Variants in TDRD9 observed in about 807,000 individuals in gnomAD.
TDRD9 encodes the protein ATP-dependent RNA helicase TDRD9.
Under a neutral mutation model 172.6 loss-of-function variants are expected in TDRD9, and 124 were observed. The ratio of observed to expected loss-of-function variants is 0.72; its 90% CI spans 0.62 to 0.83. The LOEUF is 0.83. TDRD9 is among the 40% of genes least tolerant of loss of function. The probability of loss-of-function intolerance (pLI) is 0.00; values close to 1 mark genes in which losing one functional copy is unlikely to be tolerated. For missense variants in TDRD9, 1,479 were observed against 1,714.1 expected (o/e 0.86, Z 2.42); for synonymous variants, 619 against 617.1 (o/e 1.00, Z -0.05).
intron 20 of TDRD9, chr14:104,013,860 G>C (rs2034691901): frequency 6.6e-6 from 1 of 151,936 alleles, no homozygotes; most frequent in Non-Finnish European, 1.5e-5. Flanking sequence ...CTCCTGTGTT[G>C]ATCCGTGTGG....
intron 27 of TDRD9, among the ~76,000 whole-genome samples, chr14:104,026,455 C>G (rs2035121476): frequency 6.6e-6 from 1 of 152,184 alleles, no homozygotes; most frequent in African/African-American, 2.4e-5. Context: ...CCCTTACCAT[C>G]AGTATGAAGA....
chr14:103,937,427 T>TA (rs2030840816), intron 1 of TDRD9, among the ~76,000 whole-genome samples: 1 of 152,278 alleles, frequency 6.6e-6, no homozygotes, highest in Middle Eastern at 3.4e-3. Flanking sequence ...GATACCTCCT[T>TA]AGAGGAGTTT....
intron 35 of TDRD9, among the ~76,000 whole-genome samples, chr14:104,050,798 C>T (rs376535810): frequency 2.0e-5 from 3 of 152,166 alleles, no homozygotes; most frequent in African/African-American, 4.8e-5. Context: ...CTGAGGGTGA[C>T]GAACTAGCAG....
chr14:104,048,556 A>T (rs1301326006), intron 34 of TDRD9, among the ~76,000 whole-genome samples: 1 of 151,938 alleles, frequency 6.6e-6, no homozygotes, highest in African/African-American at 2.4e-5. Context: ...TTGCCATTGG[A>T]GCTAAGTATG....
At position 103,973,563 on chromosome 14, in the gene TDRD9, C is replaced by T. The variant is rs527633736; in HGVS notation, c.847-1826C>T. Among the ~76,000 whole-genome samples, 6 of 152,306 alleles carry T rather than the reference C, an allele frequency of 3.9e-5. No homozygotes were observed. In the South Asian group the frequency reaches 6.2e-4, roughly 16 times the overall value. ...GTTTGGAGAAGAGGCAGAGGGCTGC[C>T]GGGGAGGGTGGATGAGGGAGGCTGG... On this transcript the variant is annotated intron_variant, in intron 6 of 35. Coordinates refer to ENST00000409874, the MANE Select transcript of TDRD9 (RefSeq NM_153046.3).
intron 34 of TDRD9, among the ~76,000 whole-genome samples, chr14:104,044,254 T>G (rs1032980184): frequency 1.3e-5 from 2 of 152,050 alleles, no homozygotes; most frequent in African/African-American, 4.8e-5. Context: ...CAAGACAAGA[T>G]GCAGGGGTGC....
intron 6 of TDRD9, among the ~76,000 whole-genome samples, chr14:103,972,212 C>T (rs1461356192): frequency 1.3e-5 from 2 of 151,244 alleles, no homozygotes; most frequent in Non-Finnish European, 2.9e-5. Context: ...GAGGCTGAGG[C>T]AGGAGAATTG....
chr14:104,006,535 A>C lies in TDRD9; in HGVS notation c.1860A>C (p.Leu620=), dbSNP rs773132649. 407 of 1,613,760 alleles carry C rather than the reference A, an allele frequency of 2.5e-4. No homozygotes were observed. Among genetic ancestry groups the C allele is most frequent in the Non-Finnish European group, 3.0e-4 (350 of 1,179,786 alleles). ...LIVLGHVFGC[L]DECLIIAAAL... ...TCCTTGGACATGTATTTGGATGTCT[A>C]GATGAATGTCTTATTATAGGTAAGT... The change falls in exon 16 of 36, where the codon CTA becomes CTC. Residue 620 remains leucine, a synonymous_variant. Coordinates refer to ENST00000409874, the MANE Select transcript of TDRD9 (RefSeq NM_153046.3).
In TDRD9 at chr14:103,963,668, C is replaced by T. The variant is rs187861258; in HGVS notation, c.420+492C>T. Among the ~76,000 whole-genome samples, 122 of 152,200 alleles carry T rather than the reference C, an allele frequency of 8.0e-4. 2 individuals carry two copies. The highest frequency in any genetic ancestry group is 3.4e-3 in the Middle Eastern group (1 of 294). ...ATGCCAGGCAGATGTAACAGTAGGA[C>T]GATTAAGTTCCTAATTACTTGCGTG... On this transcript the variant is annotated intron_variant, in intron 3 of 35. Coordinates refer to ENST00000409874, the MANE Select transcript of TDRD9 (RefSeq NM_153046.3).
chr14:104,012,722 C>T (rs966811169), intron 20 of TDRD9, among the ~76,000 whole-genome samples: 2 of 151,900 alleles, frequency 1.3e-5, no homozygotes, highest in African/African-American at 4.8e-5. Context: ...GTGTTGGTTT[C>T]CTCTCTGACT....
At chr14:104,009,410 G>A (rs867763700) in intron 20 of TDRD9, among the ~76,000 whole-genome samples, 14 of 152,192 alleles carry the variant, frequency 9.2e-5, no homozygotes, top group Middle Eastern at 3.4e-3. Flanking sequence ...GGGATCACTG[G>A]TATAAAAGAT....
At chr14:103,981,970 C>T (rs1321325652) in intron 7 of TDRD9, among the ~76,000 whole-genome samples, 2 of 151,304 alleles carry the variant, frequency 1.3e-5, no homozygotes, top group Non-Finnish European at 2.9e-5. Context: ...GTGTTACTGT[C>T]AGTACTCTTG....
At chr14:103,986,097 C>G in intron 7 of TDRD9, 120 bp from the exon 8 acceptor site, 1 of 737,844 alleles carries the variant, frequency 1.4e-6, no homozygotes, top group Non-Finnish European at 2.3e-6. Flanking sequence ...AAACCAAGAA[C>G]TTTTATTTAG....
At chr14:104,008,768 A>G (rs2034522222) in intron 20 of TDRD9, among the ~76,000 whole-genome samples, 1 of 152,130 alleles carries the variant, frequency 6.6e-6, no homozygotes, top group Non-Finnish European at 1.5e-5. Context: ...GGATAAAGAG[A>G]TTGGGTGTCG....
intron 2 of TDRD9, among the ~76,000 whole-genome samples, chr14:103,956,482 G>T (rs1029319086): frequency 6.6e-6 from 1 of 151,586 alleles, no homozygotes; most frequent in African/African-American, 2.4e-5. Context: ...ATATAGTGGC[G>T]AATACAAAAA....
intron 7 of TDRD9, among the ~76,000 whole-genome samples, chr14:103,982,098 T>A (rs34964872): frequency 0.24 from 36,539 of 152,062 alleles, 4,990 homozygotes; most frequent in South Asian, 0.44. Flanking sequence ...CAGCCGCGCC[T>A]CCTGGGTTTC....
At chr14:103,943,624 C>T (rs927819816) in intron 1 of TDRD9, among the ~76,000 whole-genome samples, 1 of 151,588 alleles carries the variant, frequency 6.6e-6, no homozygotes, top group Non-Finnish European at 1.5e-5. Context: ...GCTGGGATTA[C>T]AGGCATGAGC....
chr14:103,953,658 T>C (rs1299516328), intron 1 of TDRD9, among the ~76,000 whole-genome samples: 1 of 152,080 alleles, frequency 6.6e-6, no homozygotes, highest in Non-Finnish European at 1.5e-5. Flanking sequence ...TAACTGATGC[T>C]GTAACTCCCA....
chr14:103,930,427 C>CAT (rs1567193279), intron 1 of TDRD9, among the ~76,000 whole-genome samples: 1 of 152,188 alleles, frequency 6.6e-6, no homozygotes, highest in Admixed American at 6.5e-5. Context: ...CCACCCATGT[C>CAT]GGCCTCCCAA....
Sources: allele counts gnomAD v4.1 joint callset (sites outside exome capture counted in the v4.1 genomes callset), GRCh38; gene constraint gnomAD v4.1.1; transcripts MANE v1.5; gene names NCBI Gene and HGNC (gene_info 2026-07-23, HGNC 2026-07-21).